Variants in PPFIBP2 observed in about 807,000 individuals in gnomAD.
The protein encoded by PPFIBP2 is PPFIB scaffold protein 2, also known as liprin-beta-2.
In PPFIBP2, 118 loss-of-function variants were observed where a neutral mutation model predicts 118.3. That is an observed-to-expected ratio of 1.00 (90% CI 0.86 to 1.16). PPFIBP2 has a LOEUF of 1.16. Ranked by LOEUF, PPFIBP2 falls within the 50% of genes most tolerant of loss-of-function variation. The probability of loss-of-function intolerance (pLI) is 0.00; values close to 1 mark genes in which losing one functional copy is unlikely to be tolerated. For missense variants in PPFIBP2, 1,195 were observed against 1,073.1 expected (o/e 1.11, Z -1.59); for synonymous variants, 414 against 397.4 (o/e 1.04, Z -0.50).
rs149125244 is a variant in PPFIBP2 at position 7,550,194 on chromosome 11, C to G, written c.64+655C>G. The stretch of plus-strand genomic sequence containing the variant: ...AGAAGCCTATATTGATTAGACCAAA[C>G]GTTTTGTTGGAAATCTTTCCAGAAG... On this transcript the variant is annotated intron_variant, in intron 2 of 23. Coordinates refer to ENST00000299492, the MANE Select transcript of PPFIBP2 (RefSeq NM_003621.5). 7.5e-3 allele frequency among the ~76,000 whole-genome samples: 1,139 copies of G among 152,288 alleles called. 23 individuals carry two copies. Among genetic ancestry groups the G allele is most frequent in the African/African-American group, 0.026 (1,083 of 41,552 alleles).
Position 7,653,303 on chromosome 11 carries a change from ACGTG to A in PPFIBP2, c.*86_*89del. On this transcript the variant is annotated 3_prime_UTR_variant, in exon 24 of 24. Coordinates refer to ENST00000299492, the MANE Select transcript of PPFIBP2 (RefSeq NM_003621.5). ...CCATATAACTGCACCTCACCCCCGC[ACGTG>A]TGCATGACTCGCAGAGAATATTCCA... is the stretch of plus-strand genomic sequence containing the variant. The A allele has an allele frequency of 6.3e-7, 1 of 1,577,756 alleles. No homozygotes were observed. Among genetic ancestry groups the A allele is most frequent in the Non-Finnish European group, 8.6e-7 (1 of 1,164,200 alleles).
Position 7,644,997 on chromosome 11 carries a change from A to C in PPFIBP2, c.1646+2571A>C, listed in dbSNP as rs547682844. ...AGCCGAGATCCCGCCACTGCACTCC[A>C]GCCTGGGCGACAGAGCAAGACTCCG... On this transcript the variant is annotated intron_variant, in intron 17 of 23. Coordinates refer to ENST00000299492, the MANE Select transcript of PPFIBP2 (RefSeq NM_003621.5). 1.7e-3 allele frequency among the ~76,000 whole-genome samples: 208 copies of C among 122,532 alleles called. 2 individuals carry two copies. Among genetic ancestry groups the C allele is most frequent in the African/African-American group, 6.2e-3 (196 of 31,530 alleles). 80.4% of individuals were successfully genotyped at this position (122,532 alleles called of 152,430 possible).
chr11:7,565,874 C>A, intron 3 of PPFIBP2, 107 bp downstream of exon 3: 2 of 1,244,698 alleles, frequency 1.6e-6, no homozygotes, highest in South Asian at 1.5e-5. Context: ...TACCTTCCAG[C>A]CTTTTCTTCC....
chr11:7,540,617 C>G (rs994207902), intron 1 of PPFIBP2, among the ~76,000 whole-genome samples: 11 of 152,128 alleles, frequency 7.2e-5, no homozygotes, highest in Non-Finnish European at 1.2e-4. Flanking sequence ...CTTTAGCTTC[C>G]CATGGACAAT....
intron 1 of PPFIBP2, among the ~76,000 whole-genome samples, chr11:7,537,208 C>T (rs1161126267): frequency 3.3e-5 from 5 of 152,210 alleles, no homozygotes. Flanking sequence ...CAGCTTCATT[C>T]GCTGTCACTA....
At chr11:7,598,480 T>C (rs979861684) in intron 5 of PPFIBP2, 12 of 156,210 alleles carry the variant, frequency 7.7e-5, no homozygotes, top group African/African-American at 2.9e-4. Flanking sequence ...TCAGAATTTG[T>C]TGAGAAGCGA....
intron 5 of PPFIBP2, among the ~76,000 whole-genome samples, chr11:7,606,208 G>A (rs1468668333): frequency 3.3e-5 from 5 of 152,220 alleles, no homozygotes; most frequent in Admixed American, 3.3e-4. Flanking sequence ...AGTTGGGTTG[G>A]TGGAAGCTGA....
chr11:7,614,119 GT>G (rs758643327), intron 6 of PPFIBP2, among the ~76,000 whole-genome samples: 3 of 152,098 alleles, frequency 2.0e-5, no homozygotes, highest in Non-Finnish European at 4.4e-5. Flanking sequence ...TAATAGGAGA[GT>G]TTTTTTATTC....
intron 1 of PPFIBP2, among the ~76,000 whole-genome samples, chr11:7,520,776 C>G (rs1383614809): frequency 6.6e-6 from 1 of 152,194 alleles, no homozygotes; most frequent in Non-Finnish European, 1.5e-5. Flanking sequence ...TTCAGAGGAG[C>G]TCCACCTCCC....
intron 5 of PPFIBP2, among the ~76,000 whole-genome samples, chr11:7,601,923 G>A (rs1846685375): frequency 1.3e-5 from 2 of 151,604 alleles, no homozygotes; most frequent in African/African-American, 2.4e-5. Context: ...GTGAAACCCC[G>A]TCTCTACTAA....
chr11:7,517,910 G>A (rs562637478), intron 1 of PPFIBP2, among the ~76,000 whole-genome samples: 1 of 152,344 alleles, frequency 6.6e-6, no homozygotes, highest in African/African-American at 2.4e-5. Flanking sequence ...GCCGCTCATA[G>A]TCCGACTTCC....
intron 9 of PPFIBP2, among the ~76,000 whole-genome samples, chr11:7,628,918 A>AAATAGC (rs1850383343): frequency 6.6e-6 from 1 of 152,188 alleles, no homozygotes; most frequent in Non-Finnish European, 1.5e-5. Context: ...AAGGTCAGGT[A>AAATAGC]ACTAGTAAAT....
chr11:7,657,285 C>T (rs145650679), downstream of PPFIBP2, among the ~76,000 whole-genome samples: 27 of 152,308 alleles, frequency 1.8e-4, no homozygotes, highest in African/African-American at 6.3e-4. Context: ...GTGCTTTTTC[C>T]ATTCTTGGGA....
chr11:7,622,643 A>G (rs1849485346), intron 7 of PPFIBP2, among the ~76,000 whole-genome samples: 1 of 152,204 alleles, frequency 6.6e-6, no homozygotes, highest in South Asian at 2.1e-4. Flanking sequence ...AACTTTCCCA[A>G]GATTTTACAG....
intron 1 of PPFIBP2, among the ~76,000 whole-genome samples, chr11:7,542,506 T>C (rs1247644505): frequency 6.6e-6 from 1 of 152,268 alleles, no homozygotes. Flanking sequence ...ACCCCATTGT[T>C]CTTCCTCAGA....
the PPFIBP2 span, chr11:7,665,458 AC>A: frequency 6.2e-7 from 1 of 1,613,750 alleles, no homozygotes; most frequent in African/African-American, 1.3e-5. Context: ...GTGGCGGGCC[AC>A]ACACCAGGAT....
At chr11:7,652,910 G>A (rs183195341) in intron 23 of PPFIBP2, 114 bp from the exon 24 acceptor site, 1 of 1,257,596 alleles carries the variant, frequency 8.0e-7, no homozygotes, top group Non-Finnish European at 1.1e-6. Context: ...TCTAGGAGCA[G>A]TTTACATTAT....
chr11:7,572,276 C>G (rs1165668418), intron 3 of PPFIBP2, among the ~76,000 whole-genome samples: 1 of 152,166 alleles, frequency 6.6e-6, no homozygotes, highest in Non-Finnish European at 1.5e-5. Flanking sequence ...AGCTTCCTGT[C>G]CCCTGGGGGA....
chr11:7,664,218 AG>A, the PPFIBP2 span, among the ~76,000 whole-genome samples: 2 of 152,208 alleles, frequency 1.3e-5, no homozygotes, highest in East Asian at 3.9e-4. Context: ...GAGTCTGAAT[AG>A]GTTCCATGGA....
Sources: gnomAD v4.1 joint callset for allele counts (sites outside exome capture counted in the v4.1 genomes callset) on GRCh38, gnomAD v4.1.1 for gene constraint, MANE v1.5 for transcripts, NCBI Gene and HGNC (gene_info 2026-07-23, HGNC 2026-07-21) for gene names.